The following LPAR1 variants were observed in gnomAD, a reference collection of about 807,000 sequenced individuals.
The protein encoded by LPAR1 is lysophosphatidic acid receptor 1, also known as LPA receptor 1.
Under a neutral mutation model 23.8 loss-of-function variants are expected in LPAR1, and 5 were observed. That is an observed-to-expected ratio of 0.21 (90% CI 0.11 to 0.44). The LOEUF is 0.44. Ranked by LOEUF, LPAR1 falls within the 20% of genes least tolerant of loss-of-function variation. LPAR1 has a pLI of 0.99. For synonymous variants in LPAR1, 160 were observed against 164.7 expected (o/e 0.97, Z 0.22); for missense variants, 311 against 482.8 (o/e 0.64, Z 3.33).
intron 2 of LPAR1, among the ~76,000 whole-genome samples, chr9:111,016,934 G>A (rs2097459307): frequency 6.6e-6 from 1 of 152,216 alleles, no homozygotes; most frequent in South Asian, 2.1e-4. Context: ...CACATTCATT[G>A]TAAGATTGTA....
chr9:110,945,866 C>G (rs950229472), intron 4 of LPAR1, among the ~76,000 whole-genome samples: 7 of 152,144 alleles, frequency 4.6e-5, no homozygotes, highest in African/African-American at 1.4e-4. Flanking sequence ...TCTTCTTTCT[C>G]ACTCTACCAC....
chr9:110,929,746 T>C (rs532682940), intron 5 of LPAR1, among the ~76,000 whole-genome samples: 2 of 146,796 alleles, frequency 1.4e-5, no homozygotes, highest in African/African-American at 5.2e-5. Context: ...GTGTGTGTTA[T>C]AGTTGCCAGA....
At chr9:111,027,885 C>CAAAAA (rs10594862) in intron 2 of LPAR1, among the ~76,000 whole-genome samples, 1 of 56,664 alleles carries the variant, frequency 1.8e-5, no homozygotes, top group Non-Finnish European at 3.1e-5. Flanking sequence ...CACAAGTCCT[C>CAAAAA]AAAAAAAAAA....
intron 4 of LPAR1, among the ~76,000 whole-genome samples, chr9:110,945,738 C>T (rs1462381433): frequency 1.3e-5 from 2 of 152,102 alleles, no homozygotes; most frequent in Admixed American, 6.6e-5. Context: ...GGGGAGAATC[C>T]GTTTCCTTGT....
At chr9:110,944,699 T>C (rs1286813771) in intron 4 of LPAR1, among the ~76,000 whole-genome samples, 1 of 152,092 alleles carries the variant, frequency 6.6e-6, no homozygotes, top group Non-Finnish European at 1.5e-5. Flanking sequence ...TAAGCCACAA[T>C]GTACAAAGAT....
intron 5 of LPAR1, among the ~76,000 whole-genome samples, chr9:110,910,368 G>A (rs2092256394): frequency 6.6e-6 from 1 of 151,934 alleles, no homozygotes; most frequent in African/African-American, 2.4e-5. Context: ...AATATTTTAA[G>A]CCCATTGTTG....
chr9:110,884,776 C>T (rs746466868), intron 5 of LPAR1, among the ~76,000 whole-genome samples: 1 of 152,172 alleles, frequency 6.6e-6, no homozygotes. Context: ...AAGGAAATAT[C>T]CTATTACTTT....
chr9:110,974,086 G>A (rs947902007), intron 2 of LPAR1, among the ~76,000 whole-genome samples: 24 of 152,102 alleles, frequency 1.6e-4, no homozygotes, highest in African/African-American at 5.8e-4. Flanking sequence ...TAGAACCCAG[G>A]AGGCGGAGGT....
At chr9:110,901,973 T>G (rs1182155713) in intron 5 of LPAR1, among the ~76,000 whole-genome samples, 2 of 152,104 alleles carry the variant, frequency 1.3e-5, no homozygotes, top group South Asian at 4.2e-4. Context: ...ACTTTTTCCC[T>G]GTTTCTCCCA....
intron 5 of LPAR1, among the ~76,000 whole-genome samples, chr9:110,902,143 G>C (rs2089374819): frequency 6.6e-6 from 1 of 152,008 alleles, no homozygotes; most frequent in South Asian, 2.1e-4. Context: ...AGTGTTTCTA[G>C]AGCCTCAATC....
At chr9:110,913,925 T>C (rs1246150592) in intron 5 of LPAR1, among the ~76,000 whole-genome samples, 2 of 152,208 alleles carry the variant, frequency 1.3e-5, no homozygotes, top group African/African-American at 4.8e-5. Context: ...ACAAGAAAGC[T>C]GGCTATTACC....
At chr9:110,916,547 C>T (rs1447398782) in intron 5 of LPAR1, among the ~76,000 whole-genome samples, 2 of 152,148 alleles carry the variant, frequency 1.3e-5, no homozygotes, top group Non-Finnish European at 1.5e-5. Flanking sequence ...TGCATGCAGG[C>T]TTTGTGACTC....
At chr9:111,008,720 G>A (rs906901750) in intron 2 of LPAR1, among the ~76,000 whole-genome samples, 33 of 152,166 alleles carry the variant, frequency 2.2e-4, no homozygotes, top group African/African-American at 6.7e-4. Context: ...ATTTATATCC[G>A]GACACTTGCC....
At chr9:110,900,724 C>A (rs1227341033) in intron 5 of LPAR1, among the ~76,000 whole-genome samples, 1 of 152,124 alleles carries the variant, frequency 6.6e-6, no homozygotes, top group African/African-American at 2.4e-5. Context: ...ATTTCTGAAT[C>A]TTTGGGTGTT....
chr9:110,914,738 C>T (rs2092885741), intron 5 of LPAR1, among the ~76,000 whole-genome samples: 1 of 152,084 alleles, frequency 6.6e-6, no homozygotes, highest in African/African-American at 2.4e-5. Context: ...AGAGACAGGC[C>T]TCTTTTTATC....
chr9:110,973,212 A>G (rs1301746415), intron 3 of LPAR1, among the ~76,000 whole-genome samples: 1 of 152,168 alleles, frequency 6.6e-6, no homozygotes, highest in Admixed American at 6.5e-5. Flanking sequence ...GAAACTGTGG[A>G]AAGTGAAGCT....
chr9:110,946,494 A>AC (rs774131055), intron 4 of LPAR1, among the ~76,000 whole-genome samples: 16 of 152,138 alleles, frequency 1.1e-4, no homozygotes, highest in Non-Finnish European at 2.4e-4. Flanking sequence ...ATCAGAACAG[A>AC]CCCATTATAC....
chr9:110,883,182 G>A (rs2081344084), intron 5 of LPAR1, among the ~76,000 whole-genome samples: 1 of 152,048 alleles, frequency 6.6e-6, no homozygotes, highest in Non-Finnish European at 1.5e-5. Context: ...AGGGATTACA[G>A]GTGCACGCCA....
intron 5 of LPAR1, among the ~76,000 whole-genome samples, chr9:110,926,881 A>G (rs2094079381): frequency 6.6e-6 from 1 of 152,222 alleles, no homozygotes. Context: ...AATGCCATGT[A>G]ATTTAAACCA....
Sources: gnomAD v4.1 joint callset for allele counts (sites outside exome capture counted in the v4.1 genomes callset) on GRCh38, gnomAD v4.1.1 for gene constraint, MANE v1.5 for transcripts, NCBI Gene and HGNC (gene_info 2026-07-23, HGNC 2026-07-21) for gene names.